Variants in SULF1 observed in about 807,000 individuals in gnomAD.
SULF1 encodes extracellular sulfatase Sulf-1.
SULF1 carries 46 observed loss-of-function variants against 110.5 expected under a neutral mutation model. The ratio of observed to expected loss-of-function variants is 0.42; its 90% CI spans 0.33 to 0.53. The LOEUF is 0.53. SULF1 is among the 20% of genes least tolerant of loss of function. The probability of loss-of-function intolerance (pLI) is 0.12; values close to 1 mark genes in which losing one functional copy is unlikely to be tolerated. For missense variants in SULF1, 941 were observed against 1,094.2 expected (o/e 0.86, Z 1.98); for synonymous variants, 371 against 387.1 (o/e 0.96, Z 0.49).
At chr8:69,534,067 A>G (rs1392786949) in intron 3 of SULF1, among the ~76,000 whole-genome samples, 1 of 152,206 alleles carries the variant, frequency 6.6e-6, no homozygotes, top group Admixed American at 6.5e-5. Context: ...GGAAGCTGTC[A>G]ATGGTTTGGG....
chr8:69,622,049 G>A lies in SULF1; in HGVS notation c.1594+798G>A, dbSNP rs377395936. On this transcript the variant is annotated intron_variant, in intron 14 of 22. Transcript: ENST00000402687. ...AGAACAATGGAAGCCCTGAGAACAGGCATTTTTATTGTAGACTCCACAATA... is the reference window on the plus strand; with the variant it reads ...AGAACAATGGAAGCCCTGAGAACAGACATTTTTATTGTAGACTCCACAATA... 6.4e-4 allele frequency among the ~76,000 whole-genome samples: 97 copies of A among 152,322 alleles called. 3 individuals are homozygous for A. In the South Asian group the frequency reaches 0.019, roughly 29 times the overall value.
intron 1 of SULF1, among the ~76,000 whole-genome samples, chr8:69,471,773 A>G (rs865939459): frequency 6.6e-6 from 1 of 152,192 alleles, no homozygotes; most frequent in Non-Finnish European, 1.5e-5. Flanking sequence ...AAACACATAA[A>G]TCACCTAGCT....
intron 8 of SULF1, among the ~76,000 whole-genome samples, chr8:69,599,672 T>G (rs1200213712): frequency 6.6e-6 from 1 of 152,188 alleles, no homozygotes; most frequent in African/African-American, 2.4e-5. Context: ...AAGAAGAAGA[T>G]TCAAGTAGAT....
chr8:69,534,472 G>A (rs1813305546), intron 3 of SULF1, among the ~76,000 whole-genome samples: 1 of 152,144 alleles, frequency 6.6e-6, no homozygotes, highest in Non-Finnish European at 1.5e-5. Context: ...CAACTCTGAA[G>A]AATTAGGCTA....
chr8:69,557,874 T>A (rs1004644323), intron 3 of SULF1, among the ~76,000 whole-genome samples: 1 of 152,326 alleles, frequency 6.6e-6, no homozygotes, highest in East Asian at 1.9e-4. Flanking sequence ...GTCATAGGCA[T>A]ACACTTTTCA....
intron 21 of SULF1, 102 bp from the exon 22 acceptor site, chr8:69,640,705 GT>G: frequency 1.0e-6 from 1 of 978,028 alleles, no homozygotes; most frequent in South Asian, 1.8e-5. Flanking sequence ...AACACCATGT[GT>G]TTCTTTCTAG....
At chr8:69,553,152 C>G (rs1814850641) in intron 3 of SULF1, among the ~76,000 whole-genome samples, 1 of 152,234 alleles carries the variant, frequency 6.6e-6, no homozygotes, top group Non-Finnish European at 1.5e-5. Flanking sequence ...TATATGATCT[C>G]TTCCCTGAAG....
chr8:69,525,616 G>A (rs1172514521), intron 3 of SULF1, among the ~76,000 whole-genome samples: 2 of 152,172 alleles, frequency 1.3e-5, no homozygotes, highest in African/African-American at 4.8e-5. Context: ...AATAAAAATT[G>A]CAATAAACCT....
At chr8:69,472,838 A>T (rs875613) in intron 1 of SULF1, among the ~76,000 whole-genome samples, 18,186 of 152,006 alleles carry the variant, frequency 0.12, 1,533 homozygotes, top group East Asian at 0.48. Flanking sequence ...TTAAATTTTA[A>T]TTTAATTTAA....
chr8:69,640,743 A>G (rs925597675), intron 21 of SULF1, 65 bp from the exon 22 acceptor site: 13 of 1,419,004 alleles, frequency 9.2e-6, no homozygotes, highest in East Asian at 4.6e-5. Flanking sequence ...ATGAAAAACT[A>G]TATAGTGAAT....
chr8:69,569,895 A>G (rs528387873), intron 5 of SULF1, among the ~76,000 whole-genome samples: 10 of 147,514 alleles, frequency 6.8e-5, no homozygotes, highest in African/African-American at 2.5e-4. Flanking sequence ...TTTTCTTGCC[A>G]ATTCCATAGT....
intron 1 of SULF1, among the ~76,000 whole-genome samples, chr8:69,468,086 G>GAGACTTCTGCAC (rs1265458257): frequency 6.6e-6 from 1 of 152,206 alleles, no homozygotes; most frequent in Non-Finnish European, 1.5e-5. Context: ...GTGAGCCAAT[G>GAGACTTCTGCAC]AGACTTCTGC....
chr8:69,648,677 A>C (rs1167185552), intron 22 of SULF1, among the ~76,000 whole-genome samples: 1 of 152,208 alleles, frequency 6.6e-6, no homozygotes, highest in Non-Finnish European at 1.5e-5. Context: ...AGGGGAAGAG[A>C]AGAGGCCACA....
At chr8:69,590,793 C>A (rs1806840695) in intron 8 of SULF1, among the ~76,000 whole-genome samples, 1 of 152,074 alleles carries the variant, frequency 6.6e-6, no homozygotes, top group South Asian at 2.1e-4. Flanking sequence ...GAAGATCTTC[C>A]CCTATATACA....
chr8:69,627,653 A>G lies in SULF1; in HGVS notation c.1948-119A>G, dbSNP rs151225369. On this transcript the variant is annotated intron_variant, in intron 16 of 22. Transcript: ENST00000402687. ...CTATGCCCAGTTTGTTTCTATGTTA[A>G]GTATCATCTCAGATGAATAGCTGTT... 1,496 of 725,816 alleles carry G rather than the reference A, an allele frequency of 2.1e-3. 26 individuals carry two copies. In the East Asian group the frequency reaches 0.023, roughly 11 times the overall value. The allele number at this position is 725,816 out of a possible 1,614,324, so 45.0% of individuals were successfully genotyped here.
chr8:69,510,137 T>C (rs1034474445), intron 3 of SULF1, among the ~76,000 whole-genome samples: 1 of 152,214 alleles, frequency 6.6e-6, no homozygotes, highest in African/African-American at 2.4e-5. Context: ...TCTGAAAATA[T>C]ATGCAGTGAT....
intron 1 of SULF1, among the ~76,000 whole-genome samples, chr8:69,485,564 A>G (rs576070707): frequency 5.3e-5 from 8 of 152,288 alleles, no homozygotes; most frequent in African/African-American, 1.9e-4. Context: ...AGACATGGGT[A>G]CTTTCCAGAT....
Position 69,567,821 on chromosome 8 carries a change from A to G in SULF1, c.172+3674A>G, listed in dbSNP as rs116723720. Among the ~76,000 whole-genome samples, 611 of 152,138 alleles carry G rather than the reference A, an allele frequency of 4.0e-3. 2 individuals carry two copies. Among genetic ancestry groups the G allele is most frequent in the African/African-American group, 0.014 (582 of 41,522 alleles). ...ATGGGTGTACAAAGAGCTCTTCGAG[A>G]CCTTGCTTTTAGTTATTTTGGAGCT... On this transcript the variant is annotated intron_variant, in intron 5 of 22. Transcript: ENST00000402687.
chr8:69,654,917 C>T (rs1268557255), intron 22 of SULF1, among the ~76,000 whole-genome samples: 1 of 152,198 alleles, frequency 6.6e-6, no homozygotes, highest in East Asian at 1.9e-4. Context: ...TCTTTGCTCA[C>T]TTTTGGACAT....
Sources: allele counts gnomAD v4.1 joint callset (sites outside exome capture counted in the v4.1 genomes callset), GRCh38; gene constraint gnomAD v4.1.1; transcripts MANE v1.5; gene names NCBI Gene and HGNC (gene_info 2026-07-23, HGNC 2026-07-21).